The following SPECC1 variants were observed in gnomAD, a reference collection of about 807,000 sequenced individuals.
The protein encoded by SPECC1 is cytospin-B.
Under a neutral mutation model 104.1 loss-of-function variants are expected in SPECC1, and 62 were observed. That is an observed-to-expected ratio of 0.60 (90% confidence interval 0.49 to 0.74). The LOEUF (loss-of-function observed/expected upper bound fraction) is 0.74. SPECC1 is among the 30% of genes least tolerant of loss of function. SPECC1 has a pLI of 0.00. For synonymous variants in SPECC1, 513 were observed against 501.6 expected (o/e 1.02, Z -0.30); for missense variants, 1,306 against 1,310.5 (o/e 1.00, Z 0.05).
chr17:20,260,129 G>T (rs1370173800), intron 11 of SPECC1, 63 bp from the exon 12 acceptor site: 1 of 1,313,940 alleles, frequency 7.6e-7, no homozygotes, highest in East Asian at 2.4e-5. Flanking sequence ...TTTATTTCTT[G>T]TGTATTTGAG....
chr17:20,255,667 A>G (rs1318409908), intron 10 of SPECC1, among the ~76,000 whole-genome samples: 3 of 152,070 alleles, frequency 2.0e-5, no homozygotes, highest in African/African-American at 7.2e-5. Context: ...CTGGCCTCAA[A>G]TGATCCTCCT....
chr17:20,121,051 A>G (rs528107323), intron 3 of SPECC1, among the ~76,000 whole-genome samples: 2 of 152,284 alleles, frequency 1.3e-5, no homozygotes, highest in South Asian at 4.2e-4. Context: ...GGCTATGCCA[A>G]AGTTTGCTCC....
intron 1 of SPECC1, among the ~76,000 whole-genome samples, chr17:20,021,305 T>G (rs1236287680): frequency 1.3e-5 from 2 of 152,126 alleles, no homozygotes; most frequent in Non-Finnish European, 2.9e-5. Flanking sequence ...TGCATCTATT[T>G]TTAATTTACA....
intron 7 of SPECC1, among the ~76,000 whole-genome samples, chr17:20,244,304 T>C (rs896567457): frequency 2.6e-5 from 4 of 152,212 alleles, no homozygotes; most frequent in African/African-American, 9.6e-5. Context: ...GAGGAAATTA[T>C]TTTCTGCTCA....
intron 3 of SPECC1, among the ~76,000 whole-genome samples, chr17:20,163,505 A>T (rs2033356505): frequency 6.6e-6 from 1 of 152,128 alleles, no homozygotes; most frequent in African/African-American, 2.4e-5. Context: ...TTATTCTAAT[A>T]AACTTAGTGA....
intron 9 of SPECC1, among the ~76,000 whole-genome samples, chr17:20,251,661 G>C (rs367961749): frequency 2.0e-5 from 3 of 152,166 alleles, no homozygotes; most frequent in East Asian, 3.8e-4. Flanking sequence ...GTTCATTGCA[G>C]CATTGTTCCT....
chr17:20,100,657 T>A (rs116249899), intron 2 of SPECC1, among the ~76,000 whole-genome samples: 2,678 of 152,334 alleles, frequency 0.018, 85 homozygotes, highest in Admixed American at 0.061. Context: ...ATTATTTTTT[T>A]AAAATTTTAC....
intron 4 of SPECC1, among the ~76,000 whole-genome samples, chr17:20,224,894 G>A (rs1431558197): frequency 6.6e-6 from 1 of 152,044 alleles, no homozygotes; most frequent in Non-Finnish European, 1.5e-5. Flanking sequence ...ACCACAGCTG[G>A]GAATGCACTG....
chr17:20,150,279 G>A (rs541224245), intron 3 of SPECC1, among the ~76,000 whole-genome samples: 23 of 151,442 alleles, frequency 1.5e-4, no homozygotes, highest in African/African-American at 4.8e-4. Context: ...CACTGTGCCC[G>A]GCCTTTTTTC....
intron 3 of SPECC1, among the ~76,000 whole-genome samples, chr17:20,167,476 C>G (rs746132802): frequency 2.0e-5 from 3 of 151,990 alleles, no homozygotes; most frequent in Non-Finnish European, 4.4e-5. Flanking sequence ...GTCAGGAGTT[C>G]GAGACCAGCC....
intron 14 of SPECC1, among the ~76,000 whole-genome samples, chr17:20,309,204 G>A (rs922896455): frequency 1.3e-5 from 2 of 152,030 alleles, no homozygotes; most frequent in African/African-American, 4.8e-5. Context: ...ACCTTGATGT[G>A]GATTGGAAAA....
chr17:20,100,179 C>T (rs1350185191), intron 2 of SPECC1, among the ~76,000 whole-genome samples: 2 of 152,114 alleles, frequency 1.3e-5, no homozygotes, highest in African/African-American at 2.4e-5. Flanking sequence ...CTTCCCGATT[C>T]CTGTCCTCTC....
rs916539047 is a variant in SPECC1 at position 20,232,105 on chromosome 17, T to G, written c.2146-95T>G. ...GGCCTCACCAAGCACTGATGGCATT[T>G]TTTTCTTGGTGACCAACACGGGGAC... On this transcript the variant is annotated intron_variant, in intron 6 of 14. Coordinates refer to ENST00000395527, the MANE Select transcript of SPECC1 (RefSeq NM_001243439.2). 4 of 1,456,936 alleles carry G rather than the reference T, an allele frequency of 2.7e-6. No homozygotes were observed. In the Admixed American group the frequency reaches 5.5e-5, roughly 20 times the overall value. The allele number at this position is 1,456,936 out of a possible 1,614,324, so 90.3% of individuals were successfully genotyped here. A position where few individuals can be genotyped will look rare whatever the true frequency, so the allele number is the denominator to read the frequency against.
chr17:20,034,730 C>T (rs1290147009), intron 1 of SPECC1, among the ~76,000 whole-genome samples: 1 of 151,732 alleles, frequency 6.6e-6, no homozygotes, highest in East Asian at 1.9e-4. Flanking sequence ...CTCAGCCTCC[C>T]AAGTAGCTGG....
intron 1 of SPECC1, among the ~76,000 whole-genome samples, chr17:20,090,591 C>CAAA (rs56019742): frequency 7.0e-6 from 1 of 142,402 alleles, no homozygotes; most frequent in Non-Finnish European, 1.5e-5. Context: ...TACACTATTC[C>CAAA]AAAAAAAAAA....
At chr17:20,160,744 C>T (rs2033063405) in intron 3 of SPECC1, among the ~76,000 whole-genome samples, 3 of 152,144 alleles carry the variant, frequency 2.0e-5, no homozygotes, top group Non-Finnish European at 4.4e-5. Flanking sequence ...GTTACCTCTA[C>T]AATTCTACAT....
intron 2 of SPECC1, among the ~76,000 whole-genome samples, chr17:20,099,926 A>C (rs1220071274): frequency 6.6e-6 from 1 of 152,008 alleles, no homozygotes; most frequent in Non-Finnish European, 1.5e-5. Flanking sequence ...ACCAAAATCC[A>C]TGGATGCTCA....
chr17:20,020,654 C>CAAGGGT (rs1450834234), intron 1 of SPECC1, among the ~76,000 whole-genome samples: 1 of 152,192 alleles, frequency 6.6e-6, no homozygotes, highest in Non-Finnish European at 1.5e-5. Flanking sequence ...GGTTTTAGAC[C>CAAGGGT]TCAGGTGTGA....
intron 3 of SPECC1, among the ~76,000 whole-genome samples, chr17:20,163,051 A>G (rs1212515952): frequency 2.6e-5 from 4 of 152,196 alleles, no homozygotes; most frequent in African/African-American, 9.7e-5. Context: ...CAAAGTGAAG[A>G]TGCATACATC....
Sources: allele counts gnomAD v4.1 joint callset (sites outside exome capture counted in the v4.1 genomes callset), GRCh38; gene constraint gnomAD v4.1.1; transcripts MANE v1.5; gene names NCBI Gene and HGNC (gene_info 2026-07-23, HGNC 2026-07-21).